KRT74: variants seen among roughly 807,000 people sequenced by gnomAD.
The protein encoded by KRT74 is keratin, type II cytoskeletal 74.
KRT74 carries 43 observed loss-of-function variants against 42.7 expected under a neutral mutation model. The observed-to-expected ratio is 1.01, with a 90% confidence interval of 0.79 to 1.30. The LOEUF is 1.30. Among genes scored for constraint, KRT74 ranks in the 50% most tolerant of loss-of-function variants. The pLI is 0.00. For synonymous variants in KRT74, 302 were observed against 279.0 expected, an observed-to-expected ratio of 1.08 and a Z score of -0.82; for missense variants, 736 against 689.1, an observed-to-expected ratio of 1.07 and a Z score of -0.76.
rs770055016 is a variant in KRT74, at chr12:52,566,834, A to G, written c.*135T>C. Reference sequence around the variant, plus strand: ...ATCAGAGCTTGAAAGTAAAAGCTAAACCACGATGCAGACAGTTGAGTGTAC... The same window carrying G: ...ATCAGAGCTTGAAAGTAAAAGCTAAGCCACGATGCAGACAGTTGAGTGTAC... On this transcript the variant is annotated 3_prime_UTR_variant, in exon 9 of 9. Coordinates refer to ENST00000305620, the MANE Select transcript of KRT74 (RefSeq NM_175053.4). The G allele has an allele frequency of 4.6e-6, 3 of 652,598 alleles. No homozygotes were observed. The highest frequency in any genetic ancestry group is 7.7e-6 in the Non-Finnish European group (3 of 390,492). 40.4% of individuals were successfully genotyped at this position (652,598 alleles called of 1,614,324 possible).
Position 52,569,970 on chromosome 12 carries a change from C to G in KRT74, c.1023G>C (p.Gln341His), listed in dbSNP as rs201948313. 5.6e-6 allele frequency: 9 copies of G among 1,614,020 alleles called. No homozygotes were observed. Among genetic ancestry groups the G allele is most frequent in the Non-Finnish European group, 7.6e-6 (9 of 1,180,038 alleles). The change falls in exon 6 of 9, where the codon CAG becomes CAC. Residue 341 changes from glutamine to histidine, a missense_variant. Coordinates refer to ENST00000305620, the MANE Select transcript of KRT74 (RefSeq NM_175053.4). ...CGTCACCATGCCGACTGGCTGCCAG[C>G]TGCAGCTCCTGGATCTGGTTTCCCA... ...ALYQTKIQEL[Q>H]LAASRHGDDL... is the part of the protein sequence containing the mutation.
intron 3 of KRT74, 45 bp downstream of exon 3, chr12:52,571,899 T>TG: frequency 1.6e-6 from 2 of 1,266,728 alleles, no homozygotes; most frequent in Non-Finnish European, 2.3e-6. Flanking sequence ...GTTGTTAAGA[T>TG]GGGGGTGCGA....
chr12:52,572,146 ATCCCTG>A, intron 2 of KRT74, 142 bp from the exon 3 acceptor site: 1 of 753,540 alleles, frequency 1.3e-6, no homozygotes, highest in Non-Finnish European at 2.4e-6. Context: ...GGAGTAAGAT[ATCCCTG>A]AGTTGCTTCA....
At chr12:52,571,487 C>A (rs746885610) in intron 3 of KRT74, 33 bp from the exon 4 acceptor site, 1 of 1,472,916 alleles carries the variant, frequency 6.8e-7, no homozygotes, top group Non-Finnish European at 9.5e-7. Context: ...TTGGGGGATG[C>A]AACCCTCATC....
At chr12:52,570,543 G>T in intron 5 of KRT74, 126 bp downstream of exon 5, 2 of 1,009,638 alleles carry the variant, frequency 2.0e-6, no homozygotes, top group Admixed American at 2.2e-5. Context: ...TTTTTTCCTT[G>T]AAGCCTTGGT....
In KRT74 at chr12:52,573,455, G is replaced by A. The variant is rs147671317; in HGVS notation, c.323C>T (p.Pro108Leu). The part of the protein sequence containing the change: ...ALGPACLSVC[P>L]PGGIHQVTVN... ...AGTGACCTGGTGGATGCCCCCAGGT[G>A]GGCACACAGACAAACATGCAGGCCC... The change falls in exon 1 of 9, where the codon CCA (proline) becomes CTA (leucine). Residue 108 changes from proline to leucine, a missense_variant. Physicochemically the swap from Pro to Leu is moderately conservative, Grantham distance 98. Transcript: ENST00000305620. 309 of 1,614,180 alleles carry A rather than the reference G, an allele frequency of 1.9e-4. 1 individual carries two copies. The African/African-American group carries it at 3.4e-3, about 18-fold the overall frequency.
rs750212689 is a variant in KRT74, at chr12:52,573,656, G to A, written c.122C>T (p.Ala41Val). 1.2e-6 allele frequency: 2 copies of A among 1,614,204 alleles called. No homozygotes were observed. Among genetic ancestry groups the A allele is most frequent in the South Asian group, 1.1e-5 (1 of 91,086 alleles). The change falls in exon 1 of 9, where the codon GCT (alanine) becomes GTT (valine). Residue 41 changes from alanine to valine, a missense_variant. Physicochemically the swap from Ala to Val is moderately conservative, Grantham distance 64. Coordinates refer to ENST00000305620, the MANE Select transcript of KRT74 (RefSeq NM_175053.4). ...LASYCAAGRGAGAGFGSRSLY... is the reference protein window; with the variant it reads ...LASYCAAGRGVGAGFGSRSLY... ...GCTCCGACTGCCAAAGCCAGCGCCA[G>A]CCCCTCTGCCAGCTGCACAGTAAGA...
In KRT74 at chr12:52,568,242, G is replaced by A; in HGVS notation, c.1282C>T (p.Leu428Phe). Reference sequence around the variant, plus strand: ...TCCAGGGCCAGTTTCAGGCTCATGAGCTCCTGGTACTCGCGCAGCATCCGC... The same window carrying A: ...TCCAGGGCCAGTTTCAGGCTCATGAACTCCTGGTACTCGCGCAGCATCCGC... ...LARMLREYQELMSLKLALDME... is the reference protein window; with the variant it reads ...LARMLREYQEFMSLKLALDME... The change falls in exon 7 of 9, where the codon CTC becomes TTC. Residue 428 changes from leucine (L) to phenylalanine (F), a missense_variant. By Grantham distance (22) the Leu-to-Phe change is conservative. Coordinates refer to ENST00000305620, the MANE Select transcript of KRT74 (RefSeq NM_175053.4). The A allele has an allele frequency of 1.2e-6, 2 of 1,614,132 alleles. No homozygotes were observed. Among genetic ancestry groups the A allele is most frequent in the Non-Finnish European group, 1.7e-6 (2 of 1,180,018 alleles).
upstream of KRT74, chr12:52,573,843 TG>T: frequency 8.0e-7 from 1 of 1,244,272 alleles, no homozygotes. Flanking sequence ...AACACACTGA[TG>T]GGGCACCCAG....
At chr12:52,569,763 C>A (rs1939441980) in intron 6 of KRT74, 96 bp downstream of exon 6, 11 of 1,516,620 alleles carry the variant, frequency 7.3e-6, no homozygotes, top group Non-Finnish European at 1.0e-5. Flanking sequence ...CTAAGCCCAG[C>A]AGGGGATATT....
intron 3 of KRT74, 65 bp from the exon 4 acceptor site, chr12:52,571,519 C>T (rs1270964364): frequency 5.8e-6 from 7 of 1,199,014 alleles, no homozygotes; most frequent in African/African-American, 4.5e-5. Context: ...CTGCCCAACT[C>T]CTGCCTCAAA....
intron 5 of KRT74, 47 bp downstream of exon 5, chr12:52,570,622 C>T: frequency 6.2e-7 from 1 of 1,605,256 alleles, no homozygotes; most frequent in Non-Finnish European, 8.5e-7. Flanking sequence ...GTGACCCCTC[C>T]CAGGAAGCGA....
intron 2 of KRT74, 54 bp from the exon 3 acceptor site, chr12:52,572,058 T>G: frequency 1.7e-5 from 22 of 1,322,618 alleles, no homozygotes; most frequent in South Asian, 2.4e-5. Flanking sequence ...GAACTTTCTC[T>G]TCCTGCTGGC....
intron 4 of KRT74, 36 bp from the exon 5 acceptor site, chr12:52,570,869 CT>C (rs1315954813): frequency 1.9e-6 from 3 of 1,613,500 alleles, no homozygotes; most frequent in Admixed American, 1.7e-5. Context: ...CAGCAACCCC[CT>C]GGCTTCCCTC....
At chr12:52,569,042 A>G (rs1317644657) in intron 6 of KRT74, among the ~76,000 whole-genome samples, 3 of 152,176 alleles carry the variant, frequency 2.0e-5, no homozygotes, top group African/African-American at 7.2e-5. Flanking sequence ...CCAAATGTAG[A>G]GTCGTAGAGT....
In KRT74 at chr12:52,571,990, A is replaced by G. The variant is rs1939491321; in HGVS notation, c.701T>C (p.Ile234Thr). 6.3e-7 allele frequency: 1 copy of G among 1,598,854 alleles called. No homozygotes were observed. Among genetic ancestry groups the G allele is most frequent in the African/African-American group, 1.3e-5 (1 of 74,386 alleles). ...EDYKKRYEVEINRRTTAENEF... is the reference protein window; with the variant it reads ...EDYKKRYEVETNRRTTAENEF... Reference sequence around the variant, plus strand: ...ATTCTCTGCTGTCGTGCGCCGGTTAATCTCCACTTCATATCTGCCAGCAGG... The same window carrying G: ...ATTCTCTGCTGTCGTGCGCCGGTTAGTCTCCACTTCATATCTGCCAGCAGG... Residue 234 changes from isoleucine to threonine, a missense_variant, in exon 3 of 9, where the codon ATT becomes ACT. By Grantham distance (89) the Ile-to-Thr change is moderately conservative. Transcript: ENST00000305620.
rs371777605 is a variant in KRT74 at position 52,573,586 on chromosome 12, A to G, written c.192T>C (p.Ala64=). 46 of 1,614,036 alleles carry G rather than the reference A, an allele frequency of 2.9e-5. No individual in the cohort carries two copies. Among genetic ancestry groups the G allele is most frequent in the Middle Eastern group, 1.6e-4 (1 of 6,084 alleles). ...AACCTCCAGCCCGAACGCCGCCACCAGCCACATTGAAAGAAATACGCCGAT... is the reference window on the plus strand; with the variant it reads ...AACCTCCAGCCCGAACGCCGCCACCGGCCACATTGAAAGAAATACGCCGAT... ...GGNRRISFNV[A]GGGVRAGGYG... Residue 64 remains alanine (A), a synonymous_variant, in exon 1 of 9, where the codon GCT becomes GCC. Coordinates refer to ENST00000305620, the MANE Select transcript of KRT74 (RefSeq NM_175053.4).
intron 6 of KRT74, chr12:52,569,430 C>A (rs1426040843): frequency 5.0e-6 from 3 of 599,994 alleles, no homozygotes; most frequent in Middle Eastern, 3.8e-4. Flanking sequence ...CTCTGCACCC[C>A]ACACATGTTC....
Position 52,570,904 on chromosome 12 carries a change from C to G in KRT74, c.844-71G>C, listed in dbSNP as rs540960691. On this transcript the variant is annotated intron_variant, in intron 4 of 8. Transcript: ENST00000305620. ...TCTTCTGCCCCATCAGTCTTCTGGG[C>G]CCATGGTCCCTGGCCCAATAGGCTG... is the stretch of plus-strand genomic sequence containing the variant. The G allele has an allele frequency of 5.0e-5, 79 of 1,571,542 alleles. 1 individual carries two copies. The South Asian group carries it at 8.8e-4, about 18-fold the overall frequency.
Sources: allele counts gnomAD v4.1 joint callset (sites outside exome capture counted in the v4.1 genomes callset), GRCh38; gene constraint gnomAD v4.1.1; transcripts MANE v1.5; gene names NCBI Gene and HGNC (gene_info 2026-07-23, HGNC 2026-07-21).